ZNF843: variants seen among roughly 807,000 people sequenced by gnomAD.
ZNF843 encodes the protein zinc finger protein 843.
For missense variants in ZNF843, 482 were observed against 469.4 expected (o/e 1.03, Z -0.25); for synonymous variants, 185 against 207.7 (o/e 0.89, Z 0.94).
chr16:31,436,272 G>A lies in ZNF843; in HGVS notation c.578C>T (p.Thr193Ile). ...GCTCCCACAGGGCCGGAGCCCAGAG[G>A]TGCTGTCCGGGGCGACTGAGCTGGG... ...LAPSSVAPDS[T>I]SGLRPCGSPG... Residue 193 changes from threonine (T) to isoleucine (I), a missense_variant, in exon 2 of 2, where the codon ACC becomes ATC. By Grantham distance (89) the Thr-to-Ile change is moderately conservative. Transcript: ENST00000315678. 1 of 1,548,762 alleles carries A rather than the reference G, an allele frequency of 6.5e-7. No homozygotes were observed. Among genetic ancestry groups the A allele is most frequent in the Non-Finnish European group, 8.7e-7 (1 of 1,145,452 alleles).
At chr16:31,440,695 G>A (rs1245516075) in intron 1 of ZNF843, among the ~76,000 whole-genome samples, 1 of 152,120 alleles carries the variant, frequency 6.6e-6, no homozygotes, top group Non-Finnish European at 1.5e-5. Flanking sequence ...TATAAGAAAG[G>A]GCCTCTGGCC....
In ZNF843 at chr16:31,436,730, C is replaced by G. The variant is rs746782510; in HGVS notation, c.120G>C (p.Arg40Ser). The G allele has an allele frequency of 6.7e-5, 104 of 1,551,734 alleles. No homozygotes were observed. Among genetic ancestry groups the G allele is most frequent in the Non-Finnish European group, 8.4e-5 (96 of 1,147,022 alleles). Reference protein sequence around the residue: ...RQPCKCKACGRGFTQSASLLQ... With the variant: ...RQPCKCKACGSGFTQSASLLQ... ...GGAGGGATGCGCTCTGAGTAAAACC[C>G]CTCCCGCAGGCCTTGCACTTGCAGG... The change falls in exon 2 of 2, where the codon AGG (arginine) becomes AGC (serine). Residue 40 changes from arginine (R) to serine (S), a missense_variant. Arg to Ser is a moderately radical substitution (Grantham distance 110). Transcript: ENST00000315678.
chr16:31,440,766 T>A (rs1331237523), intron 1 of ZNF843, among the ~76,000 whole-genome samples: 1 of 152,314 alleles, frequency 6.6e-6, no homozygotes, highest in East Asian at 1.9e-4. Flanking sequence ...TGCTAGTGCC[T>A]GAGACTGGTC....
In ZNF843 at chr16:31,435,844, A is replaced by G. The variant is rs2082176916; in HGVS notation, c.1006T>C (p.Trp336Arg). The G allele has an allele frequency of 3.4e-6, 5 of 1,476,284 alleles. No individual in the cohort carries two copies. In the East Asian group the frequency reaches 1.0e-4, roughly 30 times the overall value. 91.4% of individuals were successfully genotyped at this position (1,476,284 alleles called of 1,614,324 possible). A position where few individuals can be genotyped will look rare whatever the true frequency, so the allele number is the denominator to read the frequency against. ...TTGGACCTCCGGCTGGAGGCCTTCC[A>G]CACCGGAAACACTGGTAGGGCTCCT... ...WRGALPVFPV[W>R]KASSRRSNLA... The change falls in exon 2 of 2, where the codon TGG becomes CGG. Residue 336 changes from tryptophan to arginine, a missense_variant. Physicochemically the swap from Trp to Arg is moderately radical, Grantham distance 101. Transcript: ENST00000315678.
At position 31,436,088 on chromosome 16, in the gene ZNF843, C is replaced by T. The variant is rs1467142768; in HGVS notation, c.762G>A (p.Pro254=). 1.6e-5 allele frequency: 25 copies of T among 1,549,880 alleles called. No individual in the cohort carries two copies. In the East Asian group the frequency reaches 3.7e-4, roughly 23 times the overall value. Residue 254 remains proline, a synonymous_variant, in exon 2 of 2, where the codon CCG becomes CCA. Coordinates refer to ENST00000315678, the MANE Select transcript of ZNF843 (RefSeq NM_001136509.3). The part of the protein sequence containing the change: ...PLGGLEVAQV[P]PATQPAAQQE... Reference sequence around the variant, plus strand: ...GCTGAGCTGCCGGCTGGGTGGCTGGCGGAACCTGGGCAACTTCCAGGCCTC... The same window carrying T: ...GCTGAGCTGCCGGCTGGGTGGCTGGTGGAACCTGGGCAACTTCCAGGCCTC...
At chr16:31,441,890 C>G (rs1035003959) in intron 1 of ZNF843, among the ~76,000 whole-genome samples, 3 of 152,176 alleles carry the variant, frequency 2.0e-5, no homozygotes, top group African/African-American at 7.2e-5. Context: ...CTCACCAAAC[C>G]CTCTCAGCTT....
At chr16:31,437,819 G>C (rs2082189005) in intron 1 of ZNF843, among the ~76,000 whole-genome samples, 1 of 151,444 alleles carries the variant, frequency 6.6e-6, no homozygotes, top group African/African-American at 2.4e-5. Flanking sequence ...GTAGAGACAG[G>C]ATTTCACCAT....
rs567625615 is a variant in ZNF843, at chr16:31,442,344, G to T, written c.-336+292C>A. On this transcript the variant is annotated intron_variant, in intron 1 of 1. Transcript: ENST00000315678. ...TTATTTATTTATTTATTTTTGAGAC[G>T]GAGTCTCGCTGTGTTCCCCAGGCTG... 2.7e-5 allele frequency among the ~76,000 whole-genome samples: 4 copies of T among 150,682 alleles called. No homozygotes were observed. The South Asian group carries it at 8.3e-4, about 31-fold the overall frequency.
chr16:31,436,241 C>G lies in ZNF843; in HGVS notation c.609G>C (p.Gly203=), dbSNP rs2082180145. 1 of 1,543,670 alleles carries G rather than the reference C, an allele frequency of 6.5e-7. No individual in the cohort carries two copies. ...TSGLRPCGSP[G]SFLQHLPPST... is the part of the protein sequence containing the mutation. Reference sequence around the variant, plus strand: ...ATGGGGGCAGATGTTGAAGGAAGGACCCGGGGCTCCCACAGGGCCGGAGCC... The same window carrying G: ...ATGGGGGCAGATGTTGAAGGAAGGAGCCGGGGCTCCCACAGGGCCGGAGCC... Residue 203 remains glycine, a synonymous_variant, in exon 2 of 2, where the codon GGG becomes GGC. Coordinates refer to ENST00000315678, the MANE Select transcript of ZNF843 (RefSeq NM_001136509.3).
At position 31,436,826 on chromosome 16, in the gene ZNF843, C is replaced by A; in HGVS notation, c.24G>T (p.Leu8=). The A allele has an allele frequency of 3.9e-6, 6 of 1,546,898 alleles. No homozygotes were observed. The highest frequency in any genetic ancestry group is 5.2e-6 in the Non-Finnish European group (6 of 1,144,188). The change falls in exon 2 of 2, where the codon CTG becomes CTT. Residue 8 remains leucine, a synonymous_variant. Transcript: ENST00000315678. ...CTCTGGCTGAAACGCTTTCCACAGT[C>A]AGGGCAAAGGGGAGGCTTCTCATGA... MRSLPFA[L]TVESVSARAP...
At position 31,436,819 on chromosome 16, in the gene ZNF843, C is replaced by A; in HGVS notation, c.31G>T (p.Glu11Ter). ...GTAGGAGCTCTGGCTGAAACGCTTT[C>A]CACAGTCAGGGCAAAGGGGAGGCTT... The part of the protein sequence containing the change: MRSLPFALTV[E>*]SVSARAPTCC... Residue 11 changes from glutamate (E) to a stop codon, truncating the protein, a stop_gained, in exon 2 of 2, where the codon GAA becomes TAA. Coordinates refer to ENST00000315678, the MANE Select transcript of ZNF843 (RefSeq NM_001136509.3). LOFTEE classifies it low-confidence loss of function (END_TRUNC). The A allele has an allele frequency of 6.5e-7, 1 of 1,548,732 alleles. No homozygotes were observed. The highest frequency in any genetic ancestry group is 8.7e-7 in the Non-Finnish European group (1 of 1,145,210).
In ZNF843 at chr16:31,436,310, G is replaced by C; in HGVS notation, c.540C>G (p.Ser180Arg). ...CGACTGAGCTGGGTGCGAGGCTGACGCTCTCCACGCTCCCACCCCTGCAGG... is the reference window on the plus strand; with the variant it reads ...CGACTGAGCTGGGTGCGAGGCTGACCCTCTCCACGCTCCCACCCCTGCAGG... ...EKTCRGGSVE[S>R]VSLAPSSVAP... Residue 180 changes from serine (S) to arginine (R), a missense_variant, in exon 2 of 2, where the codon AGC (serine) becomes AGG (arginine). Coordinates refer to ENST00000315678, the MANE Select transcript of ZNF843 (RefSeq NM_001136509.3). 2 of 1,547,644 alleles carry C rather than the reference G, an allele frequency of 1.3e-6. No individual in the cohort carries two copies. The highest frequency in any genetic ancestry group is 1.7e-6 in the Non-Finnish European group (2 of 1,144,482).
chr16:31,441,205 C>T (rs1231455498), intron 1 of ZNF843, among the ~76,000 whole-genome samples: 2 of 152,152 alleles, frequency 1.3e-5, no homozygotes, highest in African/African-American at 2.4e-5. Flanking sequence ...TGAGATTGCT[C>T]CCTACTGAAG....
At chr16:31,441,971 T>C (rs545148486) in intron 1 of ZNF843, among the ~76,000 whole-genome samples, 9 of 152,318 alleles carry the variant, frequency 5.9e-5, no homozygotes, top group Middle Eastern at 3.4e-3. Context: ...CCTGTGTGTA[T>C]GTGGGGTCGG....
intron 1 of ZNF843, among the ~76,000 whole-genome samples, chr16:31,439,817 G>A (rs972928340): frequency 7.2e-5 from 11 of 152,166 alleles, no homozygotes; most frequent in East Asian, 1.9e-4. Context: ...GGTTATGCCC[G>A]TGTACACATT....
chr16:31,437,245 C>T (rs1460707092), intron 1 of ZNF843, 61 bp from the exon 2 acceptor site: 3 of 171,064 alleles, frequency 1.8e-5, no homozygotes, highest in South Asian at 2.0e-4. Context: ...ACTTTGCTTT[C>T]AGAATCCTGT....
At position 31,436,596 on chromosome 16, in the gene ZNF843, A is replaced by G. The variant is rs1010024029; in HGVS notation, c.254T>C (p.Leu85Pro). The G allele has an allele frequency of 1.3e-6, 2 of 1,551,440 alleles. No individual in the cohort carries two copies. The highest frequency in any genetic ancestry group is 1.2e-5 in the South Asian group (1 of 84,046). ...LQPHQAPASP[L>P]GRSHSSAGVR... is the part of the protein sequence containing the mutation. ...TCCCGCAGACGAATGGCTTCTCCCG[A>G]GTGGACTCGCTGGTGCTTGATGAGG... Residue 85 changes from leucine (L) to proline (P), a missense_variant, in exon 2 of 2, where the codon CTC (leucine) becomes CCC (proline). Transcript: ENST00000315678.
chr16:31,442,323 TTATTTA>T (rs1251284804), intron 1 of ZNF843, among the ~76,000 whole-genome samples: 2 of 151,478 alleles, frequency 1.3e-5, no homozygotes, highest in African/African-American at 4.8e-5. Context: ...ATTTATTTAT[TTATTTA>T]TTTATTTTTG....
rs766151415 is a variant in ZNF843, at chr16:31,436,369, A to G, written c.481T>C (p.Ser161Pro). 185 of 1,547,762 alleles carry G rather than the reference A, an allele frequency of 1.2e-4. No individual in the cohort carries two copies. Among genetic ancestry groups the G allele is most frequent in the Non-Finnish European group, 1.5e-4 (177 of 1,144,506 alleles). ...GDSVNEKTSL[S>P]QRVLPHPGEK... Reference sequence around the variant, plus strand: ...CCTGGGTGCGGAAGGACGCGCTGGGAGAGGGAGGTCTTCTCATTGACACTG... The same window carrying G: ...CCTGGGTGCGGAAGGACGCGCTGGGGGAGGGAGGTCTTCTCATTGACACTG... Residue 161 changes from serine to proline, a missense_variant, in exon 2 of 2, where the codon TCC becomes CCC. By Grantham distance (74) the Ser-to-Pro change is moderately conservative. Transcript: ENST00000315678.
Sources: allele counts gnomAD v4.1 joint callset (sites outside exome capture counted in the v4.1 genomes callset), GRCh38; gene constraint gnomAD v4.1.1; transcripts MANE v1.5; gene names NCBI Gene and HGNC (gene_info 2026-07-23, HGNC 2026-07-21).